DCLK2: variants seen among roughly 807,000 people sequenced by gnomAD.
DCLK2 encodes doublecortin like kinase 2.
Under a neutral mutation model 78.4 loss-of-function variants are expected in DCLK2, and 31 were observed. The ratio of observed to expected loss-of-function variants is 0.40; its 90% CI spans 0.30 to 0.53. DCLK2 has a LOEUF of 0.53. Ranked by LOEUF, DCLK2 falls within the 20% of genes least tolerant of loss-of-function variation. DCLK2 has a pLI of 0.61. For missense variants in DCLK2, 872 were observed against 973.7 expected (o/e 0.90, Z 1.39); for synonymous variants, 407 against 374.9 (o/e 1.09, Z -0.99).
intron 2 of DCLK2, among the ~76,000 whole-genome samples, chr4:150,184,786 A>G (rs1186771500): frequency 2.0e-5 from 3 of 151,956 alleles, no homozygotes; most frequent in African/African-American, 7.2e-5. Flanking sequence ...TATTTTTAGT[A>G]GAGACGGGGT....
chr4:150,228,094 T>A (rs1741751133), intron 8 of DCLK2, among the ~76,000 whole-genome samples: 1 of 152,204 alleles, frequency 6.6e-6, no homozygotes, highest in Admixed American at 6.5e-5. Flanking sequence ...GCTGCCTTCT[T>A]CTCTGTCTGT....
chr4:150,236,463 G>A (rs1424113356), intron 10 of DCLK2, among the ~76,000 whole-genome samples: 1 of 152,166 alleles, frequency 6.6e-6, no homozygotes, highest in East Asian at 1.9e-4. Flanking sequence ...TCTCTTCCTA[G>A]TTGCCCAGTG....
chr4:150,241,938 G>A (rs1490834835), intron 12 of DCLK2, among the ~76,000 whole-genome samples: 1 of 152,210 alleles, frequency 6.6e-6, no homozygotes, highest in African/African-American at 2.4e-5. Context: ...TGCAGCATGT[G>A]AATTTTGGGG....
At chr4:150,191,365 G>T (rs186978753) in intron 2 of DCLK2, among the ~76,000 whole-genome samples, 4 of 152,016 alleles carry the variant, frequency 2.6e-5, no homozygotes, top group Admixed American at 2.0e-4. Context: ...AGAAATGACA[G>T]ATTCCAGGGA....
chr4:150,149,282 G>A (rs28646031), intron 2 of DCLK2, among the ~76,000 whole-genome samples: 45,218 of 151,342 alleles, frequency 0.3, 6,835 homozygotes, highest in East Asian at 0.34. Flanking sequence ...AATTTCTATT[G>A]AAAAACTTCA....
In DCLK2 at chr4:150,079,237, G is replaced by C. The variant is rs775886856; in HGVS notation, c.210G>C (p.Lys70Asn). ...TGCAGGCCCTCAGCTCGGAGAAGAA[G>C]GCCAAGAAGGCGCGCTTCTACCGGA... ...RTLQALSSEK[K>N]AKKARFYRNG... Residue 70 changes from lysine to asparagine, a missense_variant, in exon 1 of 16, where the codon AAG becomes AAC. Around this residue, in one of 3 missense-constraint regions of DCLK2, gnomAD observed 567 missense variants for 593.4 expected, o/e 0.96. Transcript: ENST00000296550. 6.2e-7 allele frequency: 1 copy of C among 1,609,662 alleles called. No homozygotes were observed. Among genetic ancestry groups the C allele is most frequent in the South Asian group, 1.1e-5 (1 of 90,238 alleles).
At chr4:150,221,594 G>T in intron 6 of DCLK2, 83 bp from the exon 7 acceptor site, 5 of 789,922 alleles carry the variant, frequency 6.3e-6, no homozygotes, top group Non-Finnish European at 9.8e-6. Context: ...TAAATGCATC[G>T]CAGTTTACTA....
intron 2 of DCLK2, among the ~76,000 whole-genome samples, chr4:150,135,525 A>G (rs566478771): frequency 1.2e-4 from 19 of 152,334 alleles, no homozygotes; most frequent in Admixed American, 6.5e-4. Flanking sequence ...TCAAGAAGAA[A>G]GCAATGAAGG....
intron 1 of DCLK2, among the ~76,000 whole-genome samples, chr4:150,085,042 C>A (rs1202708574): frequency 2.0e-5 from 3 of 152,116 alleles, no homozygotes; most frequent in Non-Finnish European, 2.9e-5. Flanking sequence ...TGAAATATGG[C>A]TGCATTGTCA....
intron 4 of DCLK2, among the ~76,000 whole-genome samples, chr4:150,201,005 A>G (rs1739407303): frequency 6.6e-6 from 1 of 151,918 alleles, no homozygotes; most frequent in Non-Finnish European, 1.5e-5. Context: ...TTTAGTGGAG[A>G]CGAGGTTTCG....
At chr4:150,091,941 G>A (rs560450304) in intron 1 of DCLK2, among the ~76,000 whole-genome samples, 44 of 152,082 alleles carry the variant, frequency 2.9e-4, no homozygotes, top group Non-Finnish European at 5.1e-4. Flanking sequence ...CTGGAACTTC[G>A]TACTCATTGA....
intron 2 of DCLK2, among the ~76,000 whole-genome samples, chr4:150,173,370 G>C (rs1736695372): frequency 2.0e-5 from 3 of 152,084 alleles, no homozygotes. Flanking sequence ...CCCTCTTCTT[G>C]TGGTCTGGGT....
At chr4:150,246,784 A>G (rs547365717) in intron 12 of DCLK2, among the ~76,000 whole-genome samples, 2 of 152,268 alleles carry the variant, frequency 1.3e-5, no homozygotes, top group Non-Finnish European at 2.9e-5. Flanking sequence ...GTCAGCCTGT[A>G]TTCATCAGGC....
At chr4:150,144,426 T>TC (rs1200137238) in intron 2 of DCLK2, among the ~76,000 whole-genome samples, 1 of 152,192 alleles carries the variant, frequency 6.6e-6, no homozygotes, top group African/African-American at 2.4e-5. Flanking sequence ...TCTATTCTGT[T>TC]CCATTGATCC....
intron 15 of DCLK2, 78 bp downstream of exon 15, chr4:150,249,762 C>G (rs1743615523): frequency 1.7e-6 from 2 of 1,190,074 alleles, no homozygotes; most frequent in African/African-American, 1.5e-5. Context: ...GGGAGCTGCC[C>G]TCACATGGAA....
chr4:150,184,595 CTTCTTCTTTTT>C (rs1737767031), intron 2 of DCLK2, among the ~76,000 whole-genome samples: 3 of 33,336 alleles, frequency 9.0e-5, no homozygotes, highest in African/African-American at 3.1e-4. Flanking sequence ...TCTTCTTCTT[CTTCTTCTTTTT>C]TTTTTTTTTT....
At chr4:150,099,585 C>A (rs1275266273) in intron 1 of DCLK2, among the ~76,000 whole-genome samples, 1 of 152,156 alleles carries the variant, frequency 6.6e-6, no homozygotes, top group Non-Finnish European at 1.5e-5. Context: ...TTTGTGTGGC[C>A]AGTACACAGA....
intron 2 of DCLK2, among the ~76,000 whole-genome samples, chr4:150,146,996 G>C (rs958496301): frequency 1.3e-5 from 2 of 151,864 alleles, no homozygotes; most frequent in Non-Finnish European, 1.5e-5. Context: ...TTGAAATACT[G>C]TATGTGGCCA....
chr4:150,095,596 G>T (rs1314304388), intron 1 of DCLK2, among the ~76,000 whole-genome samples: 5 of 152,180 alleles, frequency 3.3e-5, no homozygotes, highest in Non-Finnish European at 5.9e-5. Context: ...TGTGTATATA[G>T]AGTGTCTATG....
Sources: gnomAD v4.1 joint callset for allele counts (sites outside exome capture counted in the v4.1 genomes callset) on GRCh38, gnomAD v4.1.1 for gene constraint, gnomAD v4.1.1 regional missense constraint, MANE v1.5 for transcripts, NCBI Gene and HGNC (gene_info 2026-07-23, HGNC 2026-07-21) for gene names.